The following NLRP10 variants were observed in gnomAD, a reference collection of about 807,000 sequenced individuals.
The protein encoded by NLRP10 is NLR family pyrin domain containing 10, also known as NACHT, LRR and PYD domains-containing protein 10.
A neutral mutation model predicts 8.2 loss-of-function variants in NLRP10; 7 were observed. The observed-to-expected ratio is 0.85, with a 90% confidence interval of 0.48 to 1.60. The LOEUF is 1.60. NLRP10 is among the 40% of genes most tolerant of loss of function. The pLI is 0.00. For synonymous variants in NLRP10, 338 were observed against 314.0 expected (o/e 1.08, Z -0.81); for missense variants, 814 against 776.3 (o/e 1.05, Z -0.58).
intron 2 of NLRP10, among the ~76,000 whole-genome samples, chr11:7,962,525 T>G (rs12419448): frequency 1.3e-5 from 2 of 151,544 alleles, no homozygotes; most frequent in Non-Finnish European, 1.5e-5. Context: ...CGTGAGCCAC[T>G]GCGCCCAGCC....
rs1167636927 is a variant in NLRP10, at chr11:7,958,119, T to C, written c.*1525A>G. ...TCACAGTTTGCTTATCCATCACCTA[T>C]TGAAGGACATCTTGGTTGCTTCCAA... On this transcript the variant is annotated 3_prime_UTR_variant, in exon 3 of 3. Coordinates refer to ENST00000691676, the MANE Select transcript of NLRP10 (RefSeq NM_001391958.1). Among the ~76,000 whole-genome samples, 6 of 152,198 alleles carry C rather than the reference T, an allele frequency of 3.9e-5. No homozygotes were observed. The highest frequency in any genetic ancestry group is 8.8e-5 in the Non-Finnish European group (6 of 68,038).
Position 7,963,213 on chromosome 11 carries a change from G to C in NLRP10, c.283C>G (p.Leu95Val), listed in dbSNP as rs1312124523. 6.2e-7 allele frequency: 1 copy of C among 1,613,846 alleles called. No homozygotes were observed. The highest frequency in any genetic ancestry group is 8.5e-7 in the Non-Finnish European group (1 of 1,179,900). ...ELVDQLSHIC[L>V]HDYREVYREH... ...TCCCCCGCTCCACACTCACCATGCA[G>C]ACAAATATGGCTGAGCTGGTCCACA... is the stretch of plus-strand genomic sequence containing the variant. The change falls in exon 2 of 3, where the codon CTG becomes GTG. Residue 95 changes from leucine (L) to valine (V), a missense_variant. Leu to Val is a conservative substitution (Grantham distance 32). Coordinates refer to ENST00000691676, the MANE Select transcript of NLRP10 (RefSeq NM_001391958.1).
At chr11:7,962,250 T>TTTTTTTTTTTTTG (rs1941744902) in intron 2 of NLRP10, among the ~76,000 whole-genome samples, 1 of 130,790 alleles carries the variant, frequency 7.6e-6, no homozygotes, top group Non-Finnish European at 1.6e-5. Flanking sequence ...TTTTTTTTTT[T>TTTTTTTTTTTTTG]TTTGAGATGG....
intron 1 of NLRP10, among the ~76,000 whole-genome samples, chr11:7,964,096 A>G (rs1312136386): frequency 6.6e-6 from 1 of 151,820 alleles, no homozygotes; most frequent in Non-Finnish European, 1.5e-5. Flanking sequence ...TCACTTTTGT[A>G]TTTTTAGTAG....
chr11:7,960,927 C>A lies in NLRP10; in HGVS notation c.685G>T (p.Asp229Tyr), dbSNP rs149957176. 59 of 1,614,034 alleles carry A rather than the reference C, an allele frequency of 3.7e-5. No individual in the cohort carries two copies. The Middle Eastern group carries it at 8.2e-4, about 22-fold the overall frequency. Residue 229 changes from aspartate (D) to tyrosine (Y), a missense_variant, in exon 3 of 3, where the codon GAC becomes TAC. By Grantham distance (160) the Asp-to-Tyr change is radical. Coordinates refer to ENST00000691676, the MANE Select transcript of NLRP10 (RefSeq NM_001391958.1). ...LEQLLFWCCG[D>Y]NQAPVTEILR... Reference sequence around the variant, plus strand: ...ATCTCTGTGACAGGGGCTTGATTGTCCCCGCAGCACCAGAAAAGGAGCTGC... The same window carrying A: ...ATCTCTGTGACAGGGGCTTGATTGTACCCGCAGCACCAGAAAAGGAGCTGC...
At position 7,959,966 on chromosome 11, in the gene NLRP10, T is replaced by A. The variant is rs1436023532; in HGVS notation, c.1646A>T (p.Lys549Ile). The A allele has an allele frequency of 6.2e-7, 1 of 1,614,176 alleles. No homozygotes were observed. Among genetic ancestry groups the A allele is most frequent in the Admixed American group, 1.7e-5 (1 of 60,020 alleles). The part of the protein sequence containing the change: ...PCLAQDLKHF[K>I]EQMESMKHNR... ...GTGCTTCATAGATTCCATCTGTTCT[T>A]TAAAATGCTTCAGATCCTGCGCTAA... The change falls in exon 3 of 3, where the codon AAA (lysine) becomes ATA (isoleucine). Residue 549 changes from lysine (K) to isoleucine (I), a missense_variant. Coordinates refer to ENST00000691676, the MANE Select transcript of NLRP10 (RefSeq NM_001391958.1).
At chr11:7,962,235 T>G (rs1180150354) in intron 2 of NLRP10, among the ~76,000 whole-genome samples, 1 of 88,602 alleles carries the variant, frequency 1.1e-5, no homozygotes, top group African/African-American at 5.5e-5. Flanking sequence ...CCTGTTCTTT[T>G]TTTTTTTTTT....
In NLRP10 at chr11:7,960,282, C is replaced by T. The variant is rs1941691640; in HGVS notation, c.1330G>A (p.Ala444Thr). The T allele has an allele frequency of 2.5e-6, 4 of 1,614,190 alleles. No homozygotes were observed. The highest frequency in any genetic ancestry group is 2.5e-6 in the Non-Finnish European group (3 of 1,180,028). The change falls in exon 3 of 3, where the codon GCC (alanine) becomes ACC (threonine). Residue 444 changes from alanine (A) to threonine (T), a missense_variant. Physicochemically the swap from Ala to Thr is moderately conservative, Grantham distance 58. Transcript: ENST00000691676. ...RKHNLDGPRL[A>T]AFLSSNDYQL... ...TAGTCGTTACTACTCAGGAAAGCGG[C>T]AAGCCTGGGGCCATCTAAATTATGT...
rs1401775844 is a variant in NLRP10 at position 7,960,662 on chromosome 11, T to A, written c.950A>T (p.Glu317Val). ...ARHVHILGFS[E>V]EERARYFSSY... Reference sequence around the variant, plus strand: ...GCTGAAGTACCTCGCCCTCTCCTCCTCAGAGAAGCCTAGGATATGGACATG... The same window carrying A: ...GCTGAAGTACCTCGCCCTCTCCTCCACAGAGAAGCCTAGGATATGGACATG... Residue 317 changes from glutamate to valine, a missense_variant, in exon 3 of 3, where the codon GAG (glutamate) becomes GTG (valine). Glu to Val is a moderately radical substitution (Grantham distance 121). Transcript: ENST00000691676. The A allele has an allele frequency of 6.2e-7, 1 of 1,614,042 alleles. No individual in the cohort carries two copies. The highest frequency in any genetic ancestry group is 8.5e-7 in the Non-Finnish European group (1 of 1,180,044).
chr11:7,963,686 G>T (rs1941772086), intron 1 of NLRP10, 146 bp from the exon 2 acceptor site: 1 of 587,816 alleles, frequency 1.7e-6, no homozygotes, highest in Non-Finnish European at 3.0e-6. Context: ...AAACGCAGGG[G>T]AATTTTCCTA....
At position 7,962,655 on chromosome 11, in the gene NLRP10, A is replaced by G. The variant is rs571411153; in HGVS notation, c.289+552T>C. Among the ~76,000 whole-genome samples the G allele has an allele frequency of 3.0e-4, 45 of 152,280 alleles. 1 individual carries two copies. The South Asian group carries it at 8.7e-3, about 29-fold the overall frequency. On this transcript the variant is annotated intron_variant, in intron 2 of 2. Transcript: ENST00000691676. Reference sequence around the variant, plus strand: ...TTTGTACGTAGCAGAGGAGCTTTCAAGCATGAAAGGAGCCTATGGGAGGGA... The same window carrying G: ...TTTGTACGTAGCAGAGGAGCTTTCAGGCATGAAAGGAGCCTATGGGAGGGA...
Position 7,959,602 on chromosome 11 carries a change from T to C in NLRP10, c.*42A>G. ...TCTTTGATTTCTTTCCTCAGAGTGTTGTCATTTTCCTCATAGAGATCTTGT... is the reference window on the plus strand; with the variant it reads ...TCTTTGATTTCTTTCCTCAGAGTGTCGTCATTTTCCTCATAGAGATCTTGT... On this transcript the variant is annotated 3_prime_UTR_variant, in exon 3 of 3. Coordinates refer to ENST00000691676, the MANE Select transcript of NLRP10 (RefSeq NM_001391958.1). 1 of 997,402 alleles carries C rather than the reference T, an allele frequency of 1.0e-6. No individual in the cohort carries two copies. The allele number at this position is 997,402 out of a possible 1,614,324, so 61.8% of individuals were successfully genotyped here. A position where few individuals can be genotyped will look rare whatever the true frequency, so the allele number is the denominator to read the frequency against.
At chr11:7,962,405 T>G (rs1941748210) in intron 2 of NLRP10, among the ~76,000 whole-genome samples, 1 of 151,666 alleles carries the variant, frequency 6.6e-6, no homozygotes, top group Non-Finnish European at 1.5e-5. Context: ...CCGGCTAATT[T>G]TTTTGTATTT....
rs150722360 is a variant in NLRP10, at chr11:7,965,275, A to G, written c.-75T>C. 1,988 of 152,318 alleles carry G rather than the reference A, an allele frequency of 0.013. 29 individuals carry two copies. Among genetic ancestry groups the G allele is most frequent in the Non-Finnish European group, 0.017 (1,185 of 68,024 alleles). The allele number at this position is 152,318 out of a possible 1,614,324, so 9.4% of individuals were successfully genotyped here. The stretch of plus-strand genomic sequence containing the variant: ...GTTCAGACTTGGGGAGCTGGAGGTG[A>G]GGCAGCGAGAACTCAGCTCCCTGAT... On this transcript the variant is annotated 5_prime_UTR_variant, in exon 1 of 3. Transcript: ENST00000691676.
Position 7,959,778 on chromosome 11 carries a change from G to A in NLRP10, c.1834C>T (p.Pro612Ser). ...GAAGGACATTTTTGCTCCTCCTTAG[G>A]TCCATGACTCAAGCTGCTTTTGACA... ...FSVKSSLSHG[P>S]KEEQKCPSVH... The change falls in exon 3 of 3, where the codon CCT (proline) becomes TCT (serine). Residue 612 changes from proline (P) to serine (S), a missense_variant. Physicochemically the swap from Pro to Ser is moderately conservative, Grantham distance 74. Transcript: ENST00000691676. The A allele has an allele frequency of 1.2e-6, 2 of 1,613,598 alleles. No homozygotes were observed. Among genetic ancestry groups the A allele is most frequent in the East Asian group, 2.2e-5 (1 of 44,858 alleles).
chr11:7,964,732 G>T (rs1219769010), intron 1 of NLRP10, among the ~76,000 whole-genome samples: 1 of 152,212 alleles, frequency 6.6e-6, no homozygotes. Flanking sequence ...CTGGAGACAT[G>T]TATAAATACT....
At chr11:7,962,157 C>A (rs1941741933) in intron 2 of NLRP10, among the ~76,000 whole-genome samples, 1 of 150,286 alleles carries the variant, frequency 6.7e-6, no homozygotes, top group South Asian at 2.1e-4. Context: ...CCAAATAAAC[C>A]TCTTTTCTTT....
chr11:7,963,117 G>C (rs1304961792), intron 2 of NLRP10, 90 bp downstream of exon 2: 1 of 1,295,678 alleles, frequency 7.7e-7, no homozygotes, highest in Non-Finnish European at 1.1e-6. Context: ...GAAGGCATAA[G>C]GTACAGGCTA....
Position 7,960,703 on chromosome 11 carries a change from C to G in NLRP10, c.909G>C (p.Leu303Phe). 2.5e-6 allele frequency: 4 copies of G among 1,614,236 alleles called. No homozygotes were observed. Among genetic ancestry groups the G allele is most frequent in the Non-Finnish European group, 3.4e-6 (4 of 1,180,052 alleles). ...TATGGACATGACGTGCTTGTTTCAG[C>G]AAGGGCTCCAGATTCCTCAAAGCCA... ...RPLALRNLEP[L>F]LKQARHVHIL... Residue 303 changes from leucine (L) to phenylalanine (F), a missense_variant, in exon 3 of 3, where the codon TTG becomes TTC. Coordinates refer to ENST00000691676, the MANE Select transcript of NLRP10 (RefSeq NM_001391958.1).
Sources: allele counts gnomAD v4.1 joint callset (sites outside exome capture counted in the v4.1 genomes callset), GRCh38; gene constraint gnomAD v4.1.1; transcripts MANE v1.5; gene names NCBI Gene and HGNC (gene_info 2026-07-23, HGNC 2026-07-21).